CNTNAP2: variants seen among roughly 807,000 people sequenced by gnomAD.
The protein encoded by CNTNAP2 is contactin-associated protein-like 2.
Under a neutral mutation model 155.2 loss-of-function variants are expected in CNTNAP2, and 98 were observed. The ratio of observed to expected loss-of-function variants is 0.63; its 90% CI spans 0.54 to 0.75. CNTNAP2 has a LOEUF of 0.75. Ranked by LOEUF, CNTNAP2 falls within the 30% of genes least tolerant of loss-of-function variation. CNTNAP2 has a pLI of 0.00. For synonymous variants in CNTNAP2, 651 were observed against 631.2 expected (o/e 1.03, Z -0.47); for missense variants, 1,727 against 1,688.1 (o/e 1.02, Z -0.40).
intron 13 of CNTNAP2, among the ~76,000 whole-genome samples, chr7:147,828,282 A>C (rs1188287967): frequency 6.6e-6 from 1 of 152,178 alleles, no homozygotes; most frequent in African/African-American, 2.4e-5. Context: ...GGAGCAGACA[A>C]AATTGGATCG....
intron 15 of CNTNAP2, among the ~76,000 whole-genome samples, chr7:148,077,358 T>A (rs1803508428): frequency 6.6e-6 from 1 of 152,062 alleles, no homozygotes; most frequent in South Asian, 2.1e-4. Flanking sequence ...TTCTAATTCA[T>A]ATTTAAGGAA....
chr7:146,272,327 T>C (rs990198805), intron 1 of CNTNAP2, among the ~76,000 whole-genome samples: 1 of 152,168 alleles, frequency 6.6e-6, no homozygotes, highest in Admixed American at 6.5e-5. Flanking sequence ...TCTATTACTT[T>C]CCACCCTGTC....
At chr7:147,217,128 T>G (rs75899994) in intron 8 of CNTNAP2, among the ~76,000 whole-genome samples, 5 of 152,018 alleles carry the variant, frequency 3.3e-5, no homozygotes, top group African/African-American at 1.2e-4. Flanking sequence ...AGAAAAAACA[T>G]GATTTCTTCC....
rs548872026 is a variant in CNTNAP2, at chr7:146,396,652, A to C, written c.97+279679A>C. On this transcript the variant is annotated intron_variant, in intron 1 of 23. Coordinates refer to ENST00000361727, the MANE Select transcript of CNTNAP2 (RefSeq NM_014141.6). Reference sequence around the variant, plus strand: ...TATTATTACACAAACATTTTGCTAAAGTTTGGAAATTATTCCTTTATTGGG... The same window carrying C: ...TATTATTACACAAACATTTTGCTAACGTTTGGAAATTATTCCTTTATTGGG... 5.3e-5 allele frequency among the ~76,000 whole-genome samples: 8 copies of C among 151,826 alleles called. No individual in the cohort carries two copies. The East Asian group carries it at 1.5e-3, about 29-fold the overall frequency.
intron 1 of CNTNAP2, among the ~76,000 whole-genome samples, chr7:146,450,759 T>A (rs1371938927): frequency 2.0e-5 from 3 of 152,178 alleles, no homozygotes; most frequent in Non-Finnish European, 4.4e-5. Flanking sequence ...TATGATCTTA[T>A]CTTCAATTTT....
intron 1 of CNTNAP2, among the ~76,000 whole-genome samples, chr7:146,773,105 G>A (rs1802325594): frequency 6.6e-6 from 1 of 152,104 alleles, no homozygotes; most frequent in Non-Finnish European, 1.5e-5. Flanking sequence ...AGGGACGGTA[G>A]ACTCAGAACA....
chr7:147,272,560 G>T (rs1804776911), intron 8 of CNTNAP2, among the ~76,000 whole-genome samples: 1 of 151,900 alleles, frequency 6.6e-6, no homozygotes, highest in Non-Finnish European at 1.5e-5. Context: ...GTGCAGTGGC[G>T]CCATCTCGGC....
At chr7:146,149,037 G>T (rs968375929) in intron 1 of CNTNAP2, among the ~76,000 whole-genome samples, 3 of 151,708 alleles carry the variant, frequency 2.0e-5, no homozygotes, top group African/African-American at 7.3e-5. Context: ...GTTGTGGGGT[G>T]GGGGGATGGG....
intron 11 of CNTNAP2, among the ~76,000 whole-genome samples, chr7:147,512,958 A>T (rs1799047807): frequency 6.6e-6 from 1 of 152,158 alleles, no homozygotes; most frequent in South Asian, 2.1e-4. Context: ...AACATAAGAA[A>T]CCTACTCTAT....
intron 1 of CNTNAP2, among the ~76,000 whole-genome samples, chr7:146,698,309 A>G (rs1001729508): frequency 4.6e-5 from 7 of 152,026 alleles, no homozygotes; most frequent in Non-Finnish European, 8.8e-5. Context: ...TTCTCTGAGT[A>G]ATTTCTTTTA....
At chr7:147,093,570 T>C (rs931721684) in intron 4 of CNTNAP2, among the ~76,000 whole-genome samples, 8 of 152,164 alleles carry the variant, frequency 5.3e-5, no homozygotes, top group Admixed American at 2.0e-4. Flanking sequence ...AGTGAGCCTC[T>C]GGTCACTACA....
intron 8 of CNTNAP2, among the ~76,000 whole-genome samples, chr7:147,250,301 G>A (rs1356990550): frequency 6.6e-6 from 1 of 152,126 alleles, no homozygotes; most frequent in Non-Finnish European, 1.5e-5. Context: ...CTTTTGGAAG[G>A]ATAGTTTTGA....
intron 1 of CNTNAP2, among the ~76,000 whole-genome samples, chr7:146,202,025 T>A (rs2116868486): frequency 6.6e-6 from 1 of 152,232 alleles, no homozygotes; most frequent in African/African-American, 2.4e-5. Flanking sequence ...GGGATGACAA[T>A]CCTGATGGTG....
chr7:146,145,426 A>G (rs867395756), intron 1 of CNTNAP2, among the ~76,000 whole-genome samples: 1 of 152,200 alleles, frequency 6.6e-6, no homozygotes, highest in African/African-American at 2.4e-5. Flanking sequence ...TTAGTAAGGA[A>G]GGAAAAGAGT....
At chr7:146,537,307 A>G (rs1164785078) in intron 1 of CNTNAP2, among the ~76,000 whole-genome samples, 4 of 152,130 alleles carry the variant, frequency 2.6e-5, no homozygotes, top group Non-Finnish European at 4.4e-5. Flanking sequence ...CAAAATAAGT[A>G]TCTGAGAAAA....
At chr7:147,198,266 C>T (rs1417843405) in intron 8 of CNTNAP2, among the ~76,000 whole-genome samples, 2 of 118,058 alleles carry the variant, frequency 1.7e-5, no homozygotes, top group Admixed American at 1.1e-4. Flanking sequence ...GACGAAGTCT[C>T]GTAGGCCCGG....
intron 9 of CNTNAP2, among the ~76,000 whole-genome samples, chr7:147,392,514 C>A (rs826833): frequency 0.13 from 19,793 of 151,900 alleles, 1,547 homozygotes; most frequent in East Asian, 0.32. Flanking sequence ...CCTCTCCCAC[C>A]TTTCTTCCCT....
intron 1 of CNTNAP2, among the ~76,000 whole-genome samples, chr7:146,736,277 T>C (rs1348491823): frequency 4.6e-5 from 7 of 152,038 alleles, no homozygotes; most frequent in African/African-American, 1.7e-4. Flanking sequence ...TACCAAAGGA[T>C]AATTGTATAA....
intron 3 of CNTNAP2, among the ~76,000 whole-genome samples, chr7:146,998,599 T>C (rs1454221858): frequency 6.6e-6 from 1 of 152,066 alleles, no homozygotes; most frequent in Non-Finnish European, 1.5e-5. Context: ...ATTTTCAGTC[T>C]GGATGAACTA....
Sources: allele counts gnomAD v4.1 joint callset (sites outside exome capture counted in the v4.1 genomes callset), GRCh38; gene constraint gnomAD v4.1.1; transcripts MANE v1.5; gene names NCBI Gene and HGNC (gene_info 2026-07-23, HGNC 2026-07-21).